Variants in ARID1B observed in about 807,000 individuals in gnomAD.
The protein encoded by ARID1B is AT-rich interactive domain-containing protein 1B.
A neutral mutation model predicts 212.3 loss-of-function variants in ARID1B; 30 were observed. The observed-to-expected ratio is 0.14, with a 90% CI of 0.11 to 0.19. The LOEUF (loss-of-function observed/expected upper bound fraction) is 0.19. Among genes scored for constraint, ARID1B ranks in the 10% least tolerant of loss-of-function variants. The pLI is 1.00. For missense variants in ARID1B, 2,891 were observed against 3,204.0 expected (o/e 0.90, Z 2.36); for synonymous variants, 1,402 against 1,301.7 (o/e 1.08, Z -1.66).
chr6:157,098,753 C>G (rs1183559050), intron 5 of ARID1B, among the ~76,000 whole-genome samples: 1 of 152,166 alleles, frequency 6.6e-6, no homozygotes, highest in Non-Finnish European at 1.5e-5. Flanking sequence ...TTTTTATTCA[C>G]CTCCCCAGAG....
At chr6:156,991,502 G>C (rs1778274556) in intron 4 of ARID1B, among the ~76,000 whole-genome samples, 2 of 152,162 alleles carry the variant, frequency 1.3e-5, no homozygotes, top group African/African-American at 4.8e-5. Context: ...AAAGTGCTGG[G>C]ATTACAGGCA....
intron 3 of ARID1B, among the ~76,000 whole-genome samples, chr6:156,909,786 T>G (rs773092909): frequency 6.6e-6 from 1 of 152,224 alleles, no homozygotes. Flanking sequence ...ACATTTTATT[T>G]GCAGTCGTTG....
chr6:156,997,730 TTTATATTTAAGTTTACATTAGCA>T, intron 4 of ARID1B, among the ~76,000 whole-genome samples: 1 of 152,038 alleles, frequency 6.6e-6, no homozygotes, highest in East Asian at 1.9e-4. Context: ...TTTCTAGAAC[TTTATATTTAAGTTTACATTAGCA>T]TAAAGGAATG....
intron 4 of ARID1B, among the ~76,000 whole-genome samples, chr6:156,967,255 T>TCATACACACA (rs1794832859): frequency 6.6e-6 from 1 of 152,220 alleles, no homozygotes; most frequent in South Asian, 2.1e-4. Context: ...CAAGTTAGTT[T>TCATACACACA]CATACACACA....
At chr6:157,115,478 G>C (rs1368589115) in intron 6 of ARID1B, among the ~76,000 whole-genome samples, 1 of 152,230 alleles carries the variant, frequency 6.6e-6, no homozygotes, top group Non-Finnish European at 1.5e-5. Context: ...CCAGGCTGGA[G>C]TGCAGTGGCG....
At chr6:157,046,723 G>A (rs1049707761) in intron 4 of ARID1B, among the ~76,000 whole-genome samples, 1 of 152,030 alleles carries the variant, frequency 6.6e-6, no homozygotes, top group East Asian at 1.9e-4. Flanking sequence ...GTGAAGCCAG[G>A]CAAAAATTTT....
At position 157,174,100 on chromosome 6, in the gene ARID1B, C is replaced by T. The variant is rs368880015; in HGVS notation, c.3328C>T (p.Pro1110Ser). Reference protein sequence around the residue: ...ADGKEEGTPQPESKSKDSYSS... With the variant: ...ADGKEEGTPQSESKSKDSYSS... ...CGGCAAAGAAGAAGGCACTCCACAG[C>T]CCGAGAGCAAGTCAAAGGTACTTCC... Residue 1110 changes from proline to serine, a missense_variant, in exon 10 of 20, where the codon CCC becomes TCC. Coordinates refer to ENST00000636930, the MANE Select transcript of ARID1B (RefSeq NM_001374828.1). The T allele has an allele frequency of 8.7e-6, 14 of 1,614,014 alleles. No individual in the cohort carries two copies. The African/African-American group carries it at 1.3e-4, about 15-fold the overall frequency.
At chr6:156,843,417 G>C (rs948489275) in intron 2 of ARID1B, among the ~76,000 whole-genome samples, 7 of 152,160 alleles carry the variant, frequency 4.6e-5, no homozygotes, top group Non-Finnish European at 1.0e-4. Context: ...CAGTTGTTCA[G>C]TCCTGTACTA....
chr6:156,814,792 C>T (rs73790926), intron 1 of ARID1B, among the ~76,000 whole-genome samples: 4,749 of 152,070 alleles, frequency 0.031, 232 homozygotes, highest in African/African-American at 0.11. Context: ...TAGGCAATGC[C>T]GTCTCACTTT....
At chr6:157,054,669 G>A (rs933943057) in intron 4 of ARID1B, among the ~76,000 whole-genome samples, 4 of 152,122 alleles carry the variant, frequency 2.6e-5, no homozygotes, top group South Asian at 4.1e-4. Flanking sequence ...GGAAATAGTT[G>A]TTCACATTGA....
intron 4 of ARID1B, among the ~76,000 whole-genome samples, chr6:156,991,507 C>T (rs961903959): frequency 6.6e-6 from 1 of 152,218 alleles, no homozygotes; most frequent in African/African-American, 2.4e-5. Context: ...GCTGGGATTA[C>T]AGGCATGAGC....
intron 4 of ARID1B, among the ~76,000 whole-genome samples, chr6:157,052,761 C>A (rs1782691502): frequency 1.3e-5 from 2 of 152,186 alleles, no homozygotes; most frequent in African/African-American, 2.4e-5. Context: ...TGCTTTGTCA[C>A]CAGGCTGGAG....
At chr6:157,024,616 AC>A (rs1305753279) in intron 4 of ARID1B, 2 of 152,330 alleles carry the variant, frequency 1.3e-5, no homozygotes, top group African/African-American at 4.8e-5. Context: ...ACAAAACAAA[AC>A]AAAAAACAGC....
At chr6:156,791,478 T>C (rs1041162099) in intron 1 of ARID1B, among the ~76,000 whole-genome samples, 7 of 152,236 alleles carry the variant, frequency 4.6e-5, no homozygotes, top group African/African-American at 1.7e-4. Context: ...ACGTGAGCTG[T>C]TCCATTCTTA....
In ARID1B at chr6:157,200,841, G is replaced by T. The variant is rs144424476; in HGVS notation, c.4616G>T (p.Arg1539Leu). 1.9e-6 allele frequency: 3 copies of T among 1,613,892 alleles called. No homozygotes were observed. Among genetic ancestry groups the T allele is most frequent in the South Asian group, 1.1e-5 (1 of 91,084 alleles). ...QYGGSYSGPDRRPIQGQYPYP... is the reference protein window; with the variant it reads ...QYGGSYSGPDLRPIQGQYPYP... ...GGAGGCTCCTACTCGGGCCCGGACC[G>T]CAGGCCCATCCAGGGCCAGTACCCG... Residue 1539 changes from arginine to leucine, a missense_variant, in exon 18 of 20, where the codon CGC (arginine) becomes CTC (leucine). Coordinates refer to ENST00000636930, the MANE Select transcript of ARID1B (RefSeq NM_001374828.1). This position sits in a 1 kb window ranked among gnomAD's most constrained non-coding sequence, Gnocchi z 4.3.
chr6:156,901,654 ATAACTG>A, intron 3 of ARID1B, 129 bp downstream of exon 3: 1 of 1,201,048 alleles, frequency 8.3e-7, no homozygotes, highest in Non-Finnish European at 1.1e-6. Flanking sequence ...GAGAAAATGC[ATAACTG>A]TAACCTAATC....
intron 2 of ARID1B, among the ~76,000 whole-genome samples, chr6:156,860,938 A>G (rs958938775): frequency 1.3e-5 from 2 of 152,180 alleles, no homozygotes; most frequent in African/African-American, 4.8e-5. Flanking sequence ...TGCAACCAAC[A>G]TTTTAGAATT....
rs1794134545 is a variant in ARID1B, at chr6:157,201,775, G to A, written c.5263+287G>A. 6.6e-6 allele frequency among the ~76,000 whole-genome samples: 1 copy of A among 152,170 alleles called. No individual in the cohort carries two copies. Among genetic ancestry groups the A allele is most frequent in the Admixed American group, 6.5e-5 (1 of 15,278 alleles). ...AGGTCACGAGATCGAGACCATCCTG[G>A]ATAACACGGTGAAATAAAATGGTAG... On this transcript the variant is annotated intron_variant, in intron 18 of 19. Coordinates refer to ENST00000636930, the MANE Select transcript of ARID1B (RefSeq NM_001374828.1). This position sits in a 1 kb window ranked among gnomAD's most constrained non-coding sequence, Gnocchi z 5.2.
chr6:156,918,651 G>C (rs1037892340), intron 3 of ARID1B, among the ~76,000 whole-genome samples: 4 of 152,194 alleles, frequency 2.6e-5, no homozygotes, highest in Non-Finnish European at 2.9e-5. Flanking sequence ...AGTTTGAAGA[G>C]CTTGTAAGCA....
Sources: allele counts gnomAD v4.1 joint callset (sites outside exome capture counted in the v4.1 genomes callset), GRCh38; gene constraint gnomAD v4.1.1; non-coding constraint Gnocchi (gnomAD v3.1); transcripts MANE v1.5; gene names NCBI Gene and HGNC (gene_info 2026-07-23, HGNC 2026-07-21).